TMEM132B: variants seen among roughly 807,000 people sequenced by gnomAD.
TMEM132B encodes transmembrane protein 132B.
A neutral mutation model predicts 90.8 loss-of-function variants in TMEM132B; 18 were observed. The observed-to-expected ratio is 0.20, with a 90% confidence interval of 0.14 to 0.29. The LOEUF is 0.29. TMEM132B is among the 10% of genes least tolerant of loss of function. The pLI, the probability that TMEM132B is intolerant of heterozygous loss-of-function variation, is 1.00. For synonymous variants in TMEM132B, 504 were observed against 523.3 expected, an observed-to-expected ratio of 0.96 and a Z score of 0.50; for missense variants, 1,096 against 1,326.8, an observed-to-expected ratio of 0.83 and a Z score of 2.70.
In TMEM132B at chr12:125,415,920, TGAA is replaced by T. The variant is rs1879997908; in HGVS notation, c.1106+248_1106+250del. Among the ~76,000 whole-genome samples the T allele has an allele frequency of 6.6e-6, 1 of 152,144 alleles. No homozygotes were observed. The highest frequency in any genetic ancestry group is 2.4e-5 in the African/African-American group (1 of 41,410). On this transcript the variant is annotated intron_variant, in intron 3 of 8. Transcript: ENST00000682704. The surrounding 1 kb of genome is among the most constrained non-coding windows in gnomAD (Gnocchi z 5.3). ...ATTGTTATTGTTTGCAGCGAAGAGT[TGAA>T]GAAGGAAATGGGGGAAATAAAAATG...
At chr12:125,515,691 T>G (rs373400327) in intron 3 of TMEM132B, among the ~76,000 whole-genome samples, 2,149 of 150,816 alleles carry the variant, frequency 0.014, 57 homozygotes, top group African/African-American at 0.05. Flanking sequence ...ACACATTCCC[T>G]CCCACACTCA....
rs562608866 is a variant in TMEM132B at position 125,619,721 on chromosome 12, A to G, written c.1438-24355A>G. 1.2e-4 allele frequency among the ~76,000 whole-genome samples: 19 copies of G among 152,288 alleles called. No homozygotes were observed. The South Asian group carries it at 1.9e-3, about 15-fold the overall frequency. ...CTGTGGCAGGCAGGATTTATAGTCT[A>G]TTCTGAAGAGCCTGACCACAGGCTG... On this transcript the variant is annotated intron_variant, in intron 5 of 8. Transcript: ENST00000682704.
At chr12:125,320,760 G>A (rs1876408421) in intron 1 of TMEM132B, among the ~76,000 whole-genome samples, 1 of 152,202 alleles carries the variant, frequency 6.6e-6, no homozygotes, top group Non-Finnish European at 1.5e-5. Flanking sequence ...AAATGCACTG[G>A]GGTCAGGCTG....
In TMEM132B at chr12:125,238,366, C is replaced by CAAA. The variant is rs762032967; in HGVS notation, c.67+51508_67+51510dup. Among the ~76,000 whole-genome samples the CAAA allele has an allele frequency of 7.4e-4, 83 of 111,544 alleles. 1 individual carries two copies. The highest frequency in any genetic ancestry group is 1.2e-3 in the South Asian group (4 of 3,372). 73.2% of individuals were successfully genotyped at this position (111,544 alleles called of 152,430 possible). ...AGACTCCGTCTCAAAAAAAAAAAAC[C>CAAA]AAAAAAAAAACAAAAAAAAACCAAA... is the stretch of plus-strand genomic sequence containing the variant. On this transcript the variant is annotated intron_variant, in intron 1 of 8. Coordinates refer to ENST00000682704, the MANE Select transcript of TMEM132B (RefSeq NM_001366854.1).
chr12:125,625,412 C>T (rs1206993977), intron 5 of TMEM132B, among the ~76,000 whole-genome samples: 5 of 152,122 alleles, frequency 3.3e-5, no homozygotes, highest in African/African-American at 4.8e-5. Context: ...GGATTACAGG[C>T]GTGAGCCACC....
intron 2 of TMEM132B, among the ~76,000 whole-genome samples, chr12:125,395,527 T>C (rs552126594): frequency 2.0e-4 from 30 of 152,376 alleles, no homozygotes; most frequent in East Asian, 9.6e-4. Context: ...AGTTGAAATA[T>C]TGAACATCCT....
chr12:125,638,952 C>A (rs1320206925), intron 5 of TMEM132B, among the ~76,000 whole-genome samples: 1 of 152,208 alleles, frequency 6.6e-6, no homozygotes, highest in Non-Finnish European at 1.5e-5. Flanking sequence ...CCACCTCACA[C>A]ATGCTCACAG....
At chr12:125,640,624 G>A (rs1886605095) in intron 5 of TMEM132B, among the ~76,000 whole-genome samples, 1 of 152,168 alleles carries the variant, frequency 6.6e-6, no homozygotes, top group African/African-American at 2.4e-5. Flanking sequence ...GGAGAGGACA[G>A]AGGTGATCCA....
intron 2 of TMEM132B, among the ~76,000 whole-genome samples, chr12:125,360,746 G>A (rs535081210): frequency 1.1e-4 from 16 of 152,018 alleles, no homozygotes; most frequent in Non-Finnish European, 1.5e-4. Flanking sequence ...TGGACGATGG[G>A]CAGGTTTTGG....
chr12:125,380,350 C>T (rs555087750), intron 2 of TMEM132B, among the ~76,000 whole-genome samples: 6 of 152,180 alleles, frequency 3.9e-5, no homozygotes, highest in African/African-American at 7.2e-5. Context: ...TTGGGACTCA[C>T]TGTAACCCAG....
chr12:125,208,132 G>A (rs1431789109), intron 1 of TMEM132B, among the ~76,000 whole-genome samples: 2 of 152,162 alleles, frequency 1.3e-5, no homozygotes, highest in East Asian at 1.9e-4. Flanking sequence ...ATCACACAGA[G>A]CCAGAGCTTG....
At chr12:125,634,258 A>T (rs1886430291) in intron 5 of TMEM132B, among the ~76,000 whole-genome samples, 1 of 152,122 alleles carries the variant, frequency 6.6e-6, no homozygotes, top group African/African-American at 2.4e-5. Flanking sequence ...TGTTCCCTTA[A>T]GGTACAAGAT....
intron 1 of TMEM132B, among the ~76,000 whole-genome samples, chr12:125,288,436 C>T (rs1875429130): frequency 7.4e-6 from 1 of 135,464 alleles, no homozygotes; most frequent in Non-Finnish European, 1.5e-5. Flanking sequence ...GCACTCCAGC[C>T]TGGGCGACAG....
Position 125,349,479 on chromosome 12 carries a change from G to T in TMEM132B, c.95G>T (p.Ser32Ile). ...PVTESRGIVD[S>I]LQKFSSLPAY... ...ACAGAGAGTCGAGGGATTGTGGATAGCCTGCAGAAGTTTTCCTCGCTCCCT... is the reference window on the plus strand; with the variant it reads ...ACAGAGAGTCGAGGGATTGTGGATATCCTGCAGAAGTTTTCCTCGCTCCCT... Residue 32 changes from serine to isoleucine, a missense_variant, in exon 2 of 9, where the codon AGC becomes ATC. Physicochemically the swap from Ser to Ile is moderately radical, Grantham distance 142. Transcript: ENST00000682704. This position sits in a 1 kb window ranked among gnomAD's most constrained non-coding sequence, Gnocchi z 4.1. 6.2e-7 allele frequency: 1 copy of T among 1,612,948 alleles called. No homozygotes were observed. The highest frequency in any genetic ancestry group is 1.1e-5 in the South Asian group (1 of 90,834).
intron 5 of TMEM132B, among the ~76,000 whole-genome samples, chr12:125,606,161 T>A (rs1885691141): frequency 6.6e-6 from 1 of 152,118 alleles, no homozygotes; most frequent in African/African-American, 2.4e-5. Context: ...CTATGTGGAA[T>A]CTAACATAGG....
At chr12:125,570,318 T>C (rs768859430) in intron 4 of TMEM132B, among the ~76,000 whole-genome samples, 12 of 152,202 alleles carry the variant, frequency 7.9e-5, no homozygotes, top group Non-Finnish European at 1.6e-4. Flanking sequence ...AACTTGCCTG[T>C]AAGGCCTACT....
At chr12:125,530,735 CTGTG>C (rs917913090) in intron 4 of TMEM132B, among the ~76,000 whole-genome samples, 1 of 152,206 alleles carries the variant, frequency 6.6e-6, no homozygotes, top group South Asian at 2.1e-4. Context: ...ATCACATAAG[CTGTG>C]TGTGTGTGTC....
intron 1 of TMEM132B, among the ~76,000 whole-genome samples, chr12:125,312,459 A>T (rs1876145984): frequency 6.6e-6 from 1 of 152,134 alleles, no homozygotes; most frequent in African/African-American, 2.4e-5. Flanking sequence ...CCCCATTTTT[A>T]AAGGTTAGCA....
chr12:125,540,611 A>G (rs1181855616), intron 4 of TMEM132B, among the ~76,000 whole-genome samples: 2 of 152,078 alleles, frequency 1.3e-5, no homozygotes, highest in African/African-American at 4.8e-5. Context: ...ACTTTATCTG[A>G]TACTGTTATA....
Sources: gnomAD v4.1 joint callset for allele counts (sites outside exome capture counted in the v4.1 genomes callset) on GRCh38, gnomAD v4.1.1 for gene constraint, Gnocchi (gnomAD v3.1) non-coding constraint, MANE v1.5 for transcripts, NCBI Gene and HGNC (gene_info 2026-07-23, HGNC 2026-07-21) for gene names.